Variants in DOCK2 observed in about 807,000 individuals in gnomAD.
DOCK2 encodes the protein dedicator of cytokinesis 2.
A neutral mutation model predicts 248.9 loss-of-function variants in DOCK2; 87 were observed. That is an observed-to-expected ratio of 0.35 (90% CI 0.29 to 0.42). The LOEUF (loss-of-function observed/expected upper bound fraction) is 0.42, where lower values mean the gene tolerates loss of function less well. DOCK2 is among the 10% of genes least tolerant of loss of function. DOCK2 has a pLI of 1.00. For missense variants in DOCK2, 1,747 were observed against 2,300.2 expected, an observed-to-expected ratio of 0.76 and a Z score of 4.92; for synonymous variants, 805 against 821.6, an observed-to-expected ratio of 0.98 and a Z score of 0.35.
intron 27 of DOCK2, chr5:169,875,942 A>G (rs979174366): frequency 6.6e-6 from 1 of 152,254 alleles, no homozygotes; most frequent in African/African-American, 2.4e-5. Context: ...TTAAAACAAC[A>G]TAGATTTTAC....
At chr5:170,038,832 G>GCT (rs988971390) in intron 36 of DOCK2, among the ~76,000 whole-genome samples, 1 of 152,156 alleles carries the variant, frequency 6.6e-6, no homozygotes, top group African/African-American at 2.4e-5. Context: ...TAGCAGGGAA[G>GCT]CTCTCCCCTG....
At chr5:170,041,176 G>A (rs1172830064) in intron 37 of DOCK2, 31 bp downstream of exon 37, 1 of 1,574,764 alleles carries the variant, frequency 6.4e-7, no homozygotes. Flanking sequence ...GGGCATTTAT[G>A]CTGGGATCCT....
chr5:169,783,923 G>A (rs1200625576), intron 25 of DOCK2, among the ~76,000 whole-genome samples: 1 of 152,176 alleles, frequency 6.6e-6, no homozygotes, highest in Non-Finnish European at 1.5e-5. Flanking sequence ...GGAAGGCGGA[G>A]ATAAACCTGA....
In DOCK2 at chr5:169,717,434, C is replaced by T. The variant is rs145746510; in HGVS notation, c.2082C>T (p.Thr694=). The change falls in exon 21 of 52, where the codon ACC becomes ACT. Residue 694 remains threonine, a synonymous_variant. Transcript: ENST00000520908. The stretch of plus-strand genomic sequence containing the variant: ...ACCGGAAATTTCAGCATTTCAACAC[C>T]GTTCTGGAGGCTTACATCCAACAGC... ...IADRKFQHFN[T]VLEAYIQQHF... The T allele has an allele frequency of 7.4e-6, 12 of 1,613,750 alleles. No individual in the cohort carries two copies. Among genetic ancestry groups the T allele is most frequent in the South Asian group, 1.1e-5 (1 of 91,086 alleles).
chr5:169,768,167 A>G (rs1473963100), intron 25 of DOCK2, among the ~76,000 whole-genome samples: 2 of 152,176 alleles, frequency 1.3e-5, no homozygotes, highest in Non-Finnish European at 2.9e-5. Context: ...TCCGTTGGCC[A>G]GAACACATCA....
intron 27 of DOCK2, chr5:169,875,438 G>C (rs368368218): frequency 7.8e-5 from 30 of 384,114 alleles, no homozygotes; most frequent in African/African-American, 5.9e-4. Context: ...AGTGACAATC[G>C]AACATTCCAC....
intron 24 of DOCK2, 130 bp downstream of exon 24, chr5:169,759,905 GTTTT>G (rs1764386921): frequency 2.1e-6 from 2 of 936,388 alleles, no homozygotes; most frequent in Admixed American, 4.9e-5. Flanking sequence ...GGCAGGGGAT[GTTTT>G]CAGGGTTTCC....
intron 20 of DOCK2, 77 bp from the exon 21 acceptor site, chr5:169,717,307 G>T: frequency 2.5e-6 from 3 of 1,197,352 alleles, no homozygotes; most frequent in East Asian, 2.3e-5. Flanking sequence ...TTTAATGGGG[G>T]TTGAATTATG....
chr5:169,995,440 A>C (rs1754583883), intron 29 of DOCK2, among the ~76,000 whole-genome samples: 1 of 152,340 alleles, frequency 6.6e-6, no homozygotes, highest in Admixed American at 6.5e-5. Flanking sequence ...TACAGAAAAA[A>C]CTGAGAAAAA....
rs186900859 is a variant in DOCK2, at chr5:169,824,452, C to A, written c.2704-16305C>A. On this transcript the variant is annotated intron_variant, in intron 26 of 51. Coordinates refer to ENST00000520908, the MANE Select transcript of DOCK2 (RefSeq NM_004946.3). ...ATAGACCAATAGAACAGAACAGAGC[C>A]CTCAGAAATAATACCACACATCTAC... Among the ~76,000 whole-genome samples the A allele has an allele frequency of 4.2e-3, 640 of 152,148 alleles. 6 individuals are homozygous for A. Among genetic ancestry groups the A allele is most frequent in the African/African-American group, 0.014 (575 of 41,508 alleles).
At chr5:169,861,359 T>C (rs909056114) in intron 27 of DOCK2, among the ~76,000 whole-genome samples, 1 of 152,248 alleles carries the variant, frequency 6.6e-6, no homozygotes, top group Non-Finnish European at 1.5e-5. Flanking sequence ...TAAAACAGTT[T>C]AGAAATTTAC....
intron 44 of DOCK2, among the ~76,000 whole-genome samples, chr5:170,059,415 C>T (rs10475540): frequency 0.2 from 30,939 of 152,084 alleles, 3,318 homozygotes; most frequent in Middle Eastern, 0.27. Context: ...TGACTGAGCC[C>T]TGTCACCTGG....
intron 44 of DOCK2, among the ~76,000 whole-genome samples, chr5:170,063,694 C>A (rs1757404743): frequency 6.6e-6 from 1 of 152,188 alleles, no homozygotes; most frequent in Admixed American, 6.5e-5. Flanking sequence ...CTAGAGCTCC[C>A]ACCCAAGGGA....
intron 41 of DOCK2, among the ~76,000 whole-genome samples, chr5:170,054,416 A>T (rs867198228): frequency 6.6e-6 from 1 of 152,242 alleles, no homozygotes; most frequent in South Asian, 2.1e-4. Context: ...TCAGTTTGCC[A>T]TATTGTCAGC....
intron 25 of DOCK2, among the ~76,000 whole-genome samples, chr5:169,769,007 A>C (rs911240023): frequency 3.9e-5 from 6 of 152,178 alleles, no homozygotes; most frequent in Non-Finnish European, 8.8e-5. Context: ...TTCAACATTT[A>C]GTCCCTGGGG....
intron 32 of DOCK2, among the ~76,000 whole-genome samples, chr5:170,018,067 G>A (rs941258199): frequency 6.6e-6 from 1 of 152,174 alleles, no homozygotes; most frequent in Non-Finnish European, 1.5e-5. Context: ...TCTCTAGTGG[G>A]GGAGGCAGAT....
At chr5:169,830,062 C>T (rs534557971) in intron 26 of DOCK2, among the ~76,000 whole-genome samples, 14 of 152,252 alleles carry the variant, frequency 9.2e-5, no homozygotes, top group African/African-American at 2.4e-4. Context: ...GGGTATTATA[C>T]GTAATACAAT....
At chr5:170,032,046 AG>A (rs1254277402) in intron 34 of DOCK2, among the ~76,000 whole-genome samples, 1 of 129,796 alleles carries the variant, frequency 7.7e-6, no homozygotes, top group African/African-American at 3.2e-5. Context: ...TTTTTTTTTG[AG>A]ACGGAGTCTC....
intron 3 of DOCK2, 120 bp from the exon 4 acceptor site, chr5:169,670,422 T>C: frequency 8.7e-7 from 1 of 1,146,166 alleles, no homozygotes; most frequent in Non-Finnish European, 1.2e-6. Context: ...TCCTTTAAAG[T>C]CTGGGGATTT....
Sources: allele counts gnomAD v4.1 joint callset (sites outside exome capture counted in the v4.1 genomes callset), GRCh38; gene constraint gnomAD v4.1.1; transcripts MANE v1.5; gene names NCBI Gene and HGNC (gene_info 2026-07-23, HGNC 2026-07-21).